The following THSD7B variants were observed in gnomAD, a reference collection of about 807,000 sequenced individuals.
The protein encoded by THSD7B is thrombospondin type 1 domain containing 7B.
In THSD7B, 138 loss-of-function variants were observed where a neutral mutation model predicts 213.6. The ratio of observed to expected loss-of-function variants is 0.65; its 90% CI spans 0.56 to 0.74. THSD7B has a LOEUF of 0.74. Ranked by LOEUF, THSD7B falls within the 30% of genes least tolerant of loss-of-function variation. The pLI is 0.00. For missense variants in THSD7B, 1,931 were observed against 1,991.5 expected (o/e 0.97, Z 0.58); for synonymous variants, 742 against 687.0 (o/e 1.08, Z -1.25).
chr2:137,554,777 G>A (rs1227253134), intron 15 of THSD7B, among the ~76,000 whole-genome samples: 2 of 152,174 alleles, frequency 1.3e-5, no homozygotes, highest in African/African-American at 4.8e-5. Context: ...AGCACAAGGG[G>A]TCAGGGAATT....
intron 12 of THSD7B, among the ~76,000 whole-genome samples, chr2:137,339,732 G>A (rs1474031088): frequency 1.3e-5 from 2 of 151,578 alleles, no homozygotes; most frequent in African/African-American, 4.8e-5. Context: ...GACAGACAGG[G>A]AAAGGGCTGT....
At chr2:137,401,255 G>T (rs1437181156) in intron 12 of THSD7B, among the ~76,000 whole-genome samples, 1 of 152,126 alleles carries the variant, frequency 6.6e-6, no homozygotes, top group Non-Finnish European at 1.5e-5. Flanking sequence ...GAATTGGGTT[G>T]TACCTGTGGT....
chr2:136,867,147 G>A lies in THSD7B; in HGVS notation c.-35-14997G>A, dbSNP rs770844452. Among the ~76,000 whole-genome samples the A allele has an allele frequency of 6.3e-4, 96 of 152,190 alleles. 1 individual carries two copies. Among genetic ancestry groups the A allele is most frequent in the Non-Finnish European group, 1.0e-4 (7 of 68,034 alleles). ...CAAACTTTTGTTTGGATGCTGCAGA[G>A]TCCACAGGAGTATTGTTGAAGCTTT... On this transcript the variant is annotated intron_variant, in intron 1 of 27. Transcript: ENST00000409968.
At chr2:137,351,970 T>A (rs1268631037) in intron 12 of THSD7B, among the ~76,000 whole-genome samples, 1 of 151,972 alleles carries the variant, frequency 6.6e-6, no homozygotes, top group Non-Finnish European at 1.5e-5. Context: ...CAATTTTTTT[T>A]AGCTTATCAG....
At chr2:136,769,504 A>G (rs997987536) in intron 1 of THSD7B, among the ~76,000 whole-genome samples, 1 of 152,186 alleles carries the variant, frequency 6.6e-6, no homozygotes, top group African/African-American at 2.4e-5. Flanking sequence ...CACTGCTGGT[A>G]GGGACTCATG....
chr2:137,124,965 T>G (rs1023898089), intron 5 of THSD7B, among the ~76,000 whole-genome samples: 5 of 152,240 alleles, frequency 3.3e-5, no homozygotes, highest in African/African-American at 4.8e-5. Context: ...ACTTGTTTCT[T>G]CTAAGATCTA....
At chr2:137,095,522 T>C (rs1011730247) in intron 4 of THSD7B, among the ~76,000 whole-genome samples, 2 of 152,174 alleles carry the variant, frequency 1.3e-5, no homozygotes, top group Admixed American at 1.3e-4. Flanking sequence ...AAGCTACTAA[T>C]GTTCAGAGAG....
intron 12 of THSD7B, among the ~76,000 whole-genome samples, chr2:137,397,753 G>T (rs1043446521): frequency 6.6e-6 from 1 of 151,766 alleles, no homozygotes; most frequent in Non-Finnish European, 1.5e-5. Context: ...ATAATATCCT[G>T]CAGAGTGTTT....
chr2:137,325,431 G>A (rs1011595853), intron 12 of THSD7B, among the ~76,000 whole-genome samples: 1 of 152,130 alleles, frequency 6.6e-6, no homozygotes, highest in Non-Finnish European at 1.5e-5. Context: ...CCTGGTGGTG[G>A]GCTTCGCTGG....
chr2:137,018,892 G>A (rs1686391799), intron 2 of THSD7B, among the ~76,000 whole-genome samples: 1 of 152,056 alleles, frequency 6.6e-6, no homozygotes, highest in Admixed American at 6.6e-5. Context: ...ACTCTACCCA[G>A]ACTCTTTCCT....
At chr2:137,075,011 T>C (rs376897668) in intron 3 of THSD7B, among the ~76,000 whole-genome samples, 7 of 152,166 alleles carry the variant, frequency 4.6e-5, no homozygotes, top group Non-Finnish European at 7.3e-5. Flanking sequence ...CTCTGGCTGC[T>C]CTTAACATTT....
At chr2:137,375,285 A>G (rs1247901698) in intron 12 of THSD7B, among the ~76,000 whole-genome samples, 1 of 152,178 alleles carries the variant, frequency 6.6e-6, no homozygotes, top group Non-Finnish European at 1.5e-5. Flanking sequence ...GTTAAAAAAA[A>G]CACTGTACAC....
chr2:136,902,924 C>A (rs1392973262), intron 2 of THSD7B, among the ~76,000 whole-genome samples: 1 of 152,164 alleles, frequency 6.6e-6, no homozygotes, highest in Non-Finnish European at 1.5e-5. Flanking sequence ...CAAGAATGAC[C>A]AGTGTTACAA....
intron 15 of THSD7B, among the ~76,000 whole-genome samples, chr2:137,545,838 T>C (rs1294297658): frequency 6.6e-6 from 1 of 151,978 alleles, no homozygotes; most frequent in South Asian, 2.1e-4. Flanking sequence ...GAGATCAAGC[T>C]GTCTCTGTGA....
intron 2 of THSD7B, among the ~76,000 whole-genome samples, chr2:137,003,219 T>TA (rs1347808999): frequency 6.6e-6 from 1 of 152,182 alleles, no homozygotes; most frequent in East Asian, 1.9e-4. Flanking sequence ...GTATGACATA[T>TA]AAAACTCAGA....
intron 2 of THSD7B, among the ~76,000 whole-genome samples, chr2:137,027,100 A>G (rs1686569738): frequency 6.6e-6 from 1 of 152,194 alleles, no homozygotes; most frequent in South Asian, 2.1e-4. Flanking sequence ...GTTCCATGCC[A>G]TTCACTGCGT....
chr2:137,048,252 C>T (rs1687004201), intron 2 of THSD7B, among the ~76,000 whole-genome samples: 1 of 152,058 alleles, frequency 6.6e-6, no homozygotes, highest in South Asian at 2.1e-4. Context: ...AATGTTACTG[C>T]TATTTCTCAG....
chr2:137,097,769 GACAC>G lies in THSD7B; in HGVS notation c.1199+2685_1199+2688del, dbSNP rs3050089. Among the ~76,000 whole-genome samples, 1,141 of 141,438 alleles carry G rather than the reference GACAC, an allele frequency of 8.1e-3. 5 individuals carry two copies. The highest frequency in any genetic ancestry group is 0.016 in the South Asian group (69 of 4,208). The allele number at this position is 141,438 out of a possible 152,430, so 92.8% of individuals were successfully genotyped here. ...ACTGTTTGAAAATGCCGCTAAGTTT[GACAC>G]ACACACACACACACACACACACACA... On this transcript the variant is annotated intron_variant, in intron 4 of 27. Transcript: ENST00000409968.
At chr2:136,850,516 C>A (rs1397950972) in intron 1 of THSD7B, among the ~76,000 whole-genome samples, 8 of 151,890 alleles carry the variant, frequency 5.3e-5, no homozygotes, top group Non-Finnish European at 1.5e-5. Context: ...GTGACTCTAC[C>A]ATTAGCAGCT....
Sources: gnomAD v4.1 joint callset for allele counts (sites outside exome capture counted in the v4.1 genomes callset) on GRCh38, gnomAD v4.1.1 for gene constraint, MANE v1.5 for transcripts, NCBI Gene and HGNC (gene_info 2026-07-23, HGNC 2026-07-21) for gene names.